Variants in SLC25A25 observed in about 807,000 individuals in gnomAD.
SLC25A25 encodes mitochondrial adenyl nucleotide antiporter SLC25A25.
In SLC25A25, 32 loss-of-function variants were observed where a neutral mutation model predicts 57.7. The observed-to-expected ratio is 0.55, with a 90% CI of 0.42 to 0.74. The LOEUF (loss-of-function observed/expected upper bound fraction) is 0.74, where lower values mean the gene tolerates loss of function less well. SLC25A25 is among the 30% of genes least tolerant of loss of function. SLC25A25 has a pLI of 0.00. For synonymous variants in SLC25A25, 306 were observed against 291.2 expected (o/e 1.05, Z -0.52); for missense variants, 556 against 701.3 (o/e 0.79, Z 2.34).
At chr9:128,078,843 A>G (rs983623814) in intron 1 of SLC25A25, among the ~76,000 whole-genome samples, 14 of 152,322 alleles carry the variant, frequency 9.2e-5, no homozygotes, top group Non-Finnish European at 1.5e-4. Context: ...AGCTCAATGC[A>G]GTGCCGCCTT....
chr9:128,101,478 T>C lies in SLC25A25; in HGVS notation c.476+82T>C, dbSNP rs1344619673. ...AGACTAACCCTCCGATGCCATTCCC[T>C]GGGCTGACCCTGAACTTGGCCTTCT... On this transcript the variant is annotated intron_variant, in intron 3 of 10. Transcript: ENST00000373069. The surrounding 1 kb of genome is among the most constrained non-coding windows in gnomAD (Gnocchi z 4.9). The C allele has an allele frequency of 1.3e-6, 2 of 1,491,468 alleles. No homozygotes were observed. Among genetic ancestry groups the C allele is most frequent in the East Asian group, 4.6e-5 (2 of 43,462 alleles). 92.4% of individuals were successfully genotyped at this position (1,491,468 alleles called of 1,614,324 possible).
rs767442589 is a variant in SLC25A25 at position 128,106,430 on chromosome 9, C to T, written c.1122C>T (p.Ala374=). ...GMLDCARRIL[A]REGVAAFYKG... ...TGGACTGCGCCAGGAGGATCCTGGC[C>T]AGAGAGGGGGTGGCCGCCTTCTACA... is the stretch of plus-strand genomic sequence containing the variant. Residue 374 remains alanine, a synonymous_variant, in exon 9 of 11, where the codon GCC becomes GCT. Transcript: ENST00000373069. 7 of 1,613,472 alleles carry T rather than the reference C, an allele frequency of 4.3e-6. No homozygotes were observed. The African/African-American group carries it at 9.3e-5, about 22-fold the overall frequency.
Position 128,102,327 on chromosome 9 carries a change from A to ATGGGCATG in SLC25A25, c.513-36_513-29dup. ...GGAGGTGGGGGGATGCAGCTGGCGG[A>ATGGGCATG]TGGGCATGTGGGCACGTGGGCAGCC... On this transcript the variant is annotated intron_variant, in intron 4 of 10. Coordinates refer to ENST00000373069, the MANE Select transcript of SLC25A25 (RefSeq NM_001330988.2). The surrounding 1 kb of genome is among the most constrained non-coding windows in gnomAD (Gnocchi z 4.1). 2 of 1,558,464 alleles carry ATGGGCATG rather than the reference A, an allele frequency of 1.3e-6. No homozygotes were observed. The highest frequency in any genetic ancestry group is 1.8e-6 in the Non-Finnish European group (2 of 1,131,468).
intron 1 of SLC25A25, chr9:128,098,862 C>G: frequency 6.7e-7 from 1 of 1,489,516 alleles, no homozygotes; most frequent in Non-Finnish European, 8.9e-7. Context: ...CATTGCCATG[C>G]GGCTATGGCC....
chr9:128,072,433 C>T (rs780145568), intron 1 of SLC25A25, among the ~76,000 whole-genome samples: 1 of 152,184 alleles, frequency 6.6e-6, no homozygotes, highest in Non-Finnish European at 1.5e-5. Flanking sequence ...GGGGTTTGCA[C>T]GGGAATCAGC....
Position 128,101,345 on chromosome 9 carries a change from G to A in SLC25A25, c.425G>A (p.Arg142Gln), listed in dbSNP as rs539274578. 5 of 1,614,238 alleles carry A rather than the reference G, an allele frequency of 3.1e-6. No homozygotes were observed. Among genetic ancestry groups the A allele is most frequent in the African/African-American group, 1.3e-5 (1 of 75,066 alleles). ...IDAQEIMQSL[R>Q]DLGVKISEQQ... ...GCGCAGGAGATCATGCAGTCCCTGC[G>A]GGACTTGGGAGTCAAGATATCTGAA... The change falls in exon 3 of 11, where the codon CGG becomes CAG. Residue 142 changes from arginine to glutamine, a missense_variant. This residue lies in a region of SLC25A25 where 248 missense variants were observed against 273.5 expected (regional missense o/e 0.91). Coordinates refer to ENST00000373069, the MANE Select transcript of SLC25A25 (RefSeq NM_001330988.2). This position sits in a 1 kb window ranked among gnomAD's most constrained non-coding sequence, Gnocchi z 4.9.
In SLC25A25 at chr9:128,102,509, T is replaced by A. The variant is rs773214599; in HGVS notation, c.624+28T>A. The A allele has an allele frequency of 1.3e-6, 2 of 1,584,254 alleles. No individual in the cohort carries two copies. The highest frequency in any genetic ancestry group is 2.2e-5 in the East Asian group (1 of 44,486). On this transcript the variant is annotated intron_variant, in intron 5 of 10. Transcript: ENST00000373069. The surrounding 1 kb of genome is among the most constrained non-coding windows in gnomAD (Gnocchi z 4.1). The stretch of plus-strand genomic sequence containing the variant: ...GAGCCCCACGTGCCCAGGGCCCTCA[T>A]CTGCTCCCAGGGACCCTTAGCCCAG...
At position 128,068,579 on chromosome 9, in the gene SLC25A25, A is replaced by T; in HGVS notation, c.260A>T (p.Gln87Leu). The T allele has an allele frequency of 7.1e-7, 1 of 1,413,066 alleles. No homozygotes were observed. Among genetic ancestry groups the T allele is most frequent in the Non-Finnish European group, 9.2e-7 (1 of 1,086,196 alleles). 87.5% of individuals were successfully genotyped at this position (1,413,066 alleles called of 1,614,324 possible). A position where few individuals can be genotyped will look rare whatever the true frequency, so the allele number is the denominator to read the frequency against. The change falls in exon 1 of 11, where the codon CAG becomes CTG. Residue 87 changes from glutamine (Q) to leucine (L), a missense_variant and splice_region_variant. By Grantham distance (113) the Gln-to-Leu change is moderately radical. Around this residue, in one of 3 missense-constraint regions of SLC25A25, gnomAD observed 248 missense variants for 273.5 expected, o/e 0.91. Transcript: ENST00000373069. ...LGLHRTEGEL[Q>L]KIVQAGDKDL... ...CTGCACCGCACCGAGGGCGAGCTCC[A>T]GGTAGGCTGCGCGCGTCCTCAGCAC...
At chr9:128,084,670 C>T (rs1833236973) in intron 1 of SLC25A25, among the ~76,000 whole-genome samples, 1 of 152,178 alleles carries the variant, frequency 6.6e-6, no homozygotes. Flanking sequence ...TATAAATCAA[C>T]CTGTCACCCA....
rs369454417 is a variant in SLC25A25 at position 128,100,352 on chromosome 9, G to C, written c.262-744G>C. On this transcript the variant is annotated intron_variant, in intron 1 of 10. Coordinates refer to ENST00000373069, the MANE Select transcript of SLC25A25 (RefSeq NM_001330988.2). ...CCTCCTGGGAGGCGGGGGCGGGGGG[G>C]GTTACTTTTGGAACCTCATTGCCAA... Among the ~76,000 whole-genome samples, 6 of 152,068 alleles carry C rather than the reference G, an allele frequency of 3.9e-5. 1 individual carries two copies. The East Asian group carries it at 5.8e-4, about 15-fold the overall frequency.
At position 128,107,320 on chromosome 9, in the gene SLC25A25, C is replaced by T. The variant is rs1186114738; in HGVS notation, c.1424C>T (p.Thr475Ile). ...MSSLFKHILR[T>I]EGAFGLYRGL... ...AGCCTCTTCAAACATATCCTGCGGA[C>T]CGAGGGGGCCTTCGGGCTGTACAGG... Residue 475 changes from threonine (T) to isoleucine (I), a missense_variant, in exon 11 of 11, where the codon ACC (threonine) becomes ATC (isoleucine). This residue lies in a region of SLC25A25 where 294 missense variants were observed against 389.6 expected (regional missense o/e 0.75). Coordinates refer to ENST00000373069, the MANE Select transcript of SLC25A25 (RefSeq NM_001330988.2). 6.4e-7 allele frequency: 1 copy of T among 1,552,042 alleles called. No individual in the cohort carries two copies. The highest frequency in any genetic ancestry group is 8.7e-7 in the Non-Finnish European group (1 of 1,144,724).
chr9:128,097,175 C>T lies in SLC25A25; in HGVS notation c.262-3921C>T, dbSNP rs183355946. Among the ~76,000 whole-genome samples, 24 of 152,308 alleles carry T rather than the reference C, an allele frequency of 1.6e-4. No individual in the cohort carries two copies. The South Asian group carries it at 1.7e-3, about 11-fold the overall frequency. On this transcript the variant is annotated intron_variant, in intron 1 of 10. Transcript: ENST00000373069. ...AGATATAGTCTATATTAGGAAGTGG[C>T]GCACTGTAGAAGGAACAAGGGTGAG...
intron 1 of SLC25A25, among the ~76,000 whole-genome samples, chr9:128,070,486 C>A (rs1198842982): frequency 6.6e-6 from 1 of 151,632 alleles, no homozygotes; most frequent in Non-Finnish European, 1.5e-5. Flanking sequence ...GGTGATCCAC[C>A]TGCCTCGGCC....
chr9:128,098,576 CTGTGCCTGTA>C (rs769170122), intron 1 of SLC25A25: 1 of 1,613,898 alleles, frequency 6.2e-7, no homozygotes, highest in African/African-American at 1.3e-5. Flanking sequence ...CATGCTCTGT[CTGTGCCTGTA>C]TGTGCCGGTC....
In SLC25A25 at chr9:128,101,355, A is replaced by C; in HGVS notation, c.435A>C (p.Gly145=). 4 of 1,614,236 alleles carry C rather than the reference A, an allele frequency of 2.5e-6. No individual in the cohort carries two copies. The highest frequency in any genetic ancestry group is 2.5e-6 in the Non-Finnish European group (3 of 1,180,050). ...TCATGCAGTCCCTGCGGGACTTGGGAGTCAAGATATCTGAACAGCAGGCAG... is the reference window on the plus strand; with the variant it reads ...TCATGCAGTCCCTGCGGGACTTGGGCGTCAAGATATCTGAACAGCAGGCAG... ...QEIMQSLRDL[G]VKISEQQAEK... is the part of the protein sequence containing the mutation. Residue 145 remains glycine (G), a synonymous_variant, in exon 3 of 11, where the codon GGA becomes GGC. Transcript: ENST00000373069. This position sits in a 1 kb window ranked among gnomAD's most constrained non-coding sequence, Gnocchi z 4.9.
intron 8 of SLC25A25, 39 bp from the exon 9 acceptor site, chr9:128,106,314 C>T (rs1305362492): frequency 1.2e-6 from 2 of 1,613,810 alleles, no homozygotes; most frequent in Non-Finnish European, 1.7e-6. Flanking sequence ...GGGAGAGGCA[C>T]AGGCTGTGCT....
chr9:128,082,257 G>C (rs554592178), intron 1 of SLC25A25, among the ~76,000 whole-genome samples: 1 of 152,324 alleles, frequency 6.6e-6, no homozygotes, highest in African/African-American at 2.4e-5. Context: ...AATGGAAATA[G>C]ATCATGGATT....
Position 128,106,433 on chromosome 9 carries a change from A to C in SLC25A25, c.1125A>C (p.Arg375Ser). ...MLDCARRILAREGVAAFYKGY... is the reference protein window; with the variant it reads ...MLDCARRILASEGVAAFYKGY... The stretch of plus-strand genomic sequence containing the variant: ...ACTGCGCCAGGAGGATCCTGGCCAG[A>C]GAGGGGGTGGCCGCCTTCTACAAAG... The change falls in exon 9 of 11, where the codon AGA becomes AGC. Residue 375 changes from arginine (R) to serine (S), a missense_variant. This residue lies in a region of SLC25A25 where 294 missense variants were observed against 389.6 expected (regional missense o/e 0.75). Transcript: ENST00000373069. 6.2e-7 allele frequency: 1 copy of C among 1,613,638 alleles called. No homozygotes were observed. The highest frequency in any genetic ancestry group is 1.1e-5 in the South Asian group (1 of 91,082).
At position 128,106,416 on chromosome 9, in the gene SLC25A25, AG is replaced by A; in HGVS notation, c.1110del (p.Arg371GlyfsTer46). 2 of 1,613,728 alleles carry A rather than the reference AG, an allele frequency of 1.2e-6. No homozygotes were observed. The highest frequency in any genetic ancestry group is 1.7e-6 in the Non-Finnish European group (2 of 1,179,924). On this transcript the variant is annotated frameshift_variant, in exon 9 of 11. Coordinates refer to ENST00000373069, the MANE Select transcript of SLC25A25 (RefSeq NM_001330988.2). LOFTEE classifies it high-confidence loss of function. ...GQYSGMLDCA[R>X]RILAREGVAA... is the part of the protein sequence containing the mutation. ...GTACTCAGGAATGCTGGACTGCGCC[AG>A]GAGGATCCTGGCCAGAGAGGGGGTG...
Sources: gnomAD v4.1 joint callset for allele counts (sites outside exome capture counted in the v4.1 genomes callset) on GRCh38, gnomAD v4.1.1 for gene constraint, gnomAD v4.1.1 regional missense constraint, Gnocchi (gnomAD v3.1) non-coding constraint, MANE v1.5 for transcripts, NCBI Gene and HGNC (gene_info 2026-07-23, HGNC 2026-07-21) for gene names.